CFAP141: variants seen among roughly 807,000 people sequenced by gnomAD.
CFAP141 encodes the protein cilia- and flagella-associated protein 141.
chr1:154,200,714 C>T, the CFAP141 span: 1 of 1,101,600 alleles, frequency 9.1e-7, no homozygotes, highest in East Asian at 2.4e-5. Flanking sequence ...CAGAGTTTCA[C>T]TCTTGTTGCC....
chr1:154,202,422 G>T, the CFAP141 span, among the ~76,000 whole-genome samples: 1 of 152,126 alleles, frequency 6.6e-6, no homozygotes, highest in African/African-American at 2.4e-5. Context: ...TATACATCAT[G>T]CATGTACATA....
the CFAP141 span, chr1:154,205,501 C>T: frequency 8.2e-4 from 939 of 1,146,724 alleles, 5 homozygotes; most frequent in Middle Eastern, 6.1e-3. Flanking sequence ...TGATGAGCCC[C>T]TAAAGAGATG....
the CFAP141 span, chr1:154,199,672 G>A: frequency 1.7e-6 from 1 of 593,870 alleles, no homozygotes; most frequent in Non-Finnish European, 3.0e-6. Flanking sequence ...TAGCAGAGAG[G>A]CTGAACCAGC....
the CFAP141 span, among the ~76,000 whole-genome samples, chr1:154,202,226 C>T: frequency 6.6e-6 from 1 of 152,062 alleles, no homozygotes; most frequent in African/African-American, 2.4e-5. Flanking sequence ...GCGTAAGCCA[C>T]CATGCCTGGC....
At chr1:154,205,646 A>T in the CFAP141 span, 7 of 1,613,666 alleles carry the variant, frequency 4.3e-6, no homozygotes, top group South Asian at 6.6e-5. Flanking sequence ...ACTCTGCAAG[A>T]AAAGGTAGTT....
the CFAP141 span, among the ~76,000 whole-genome samples, chr1:154,200,975 C>T: frequency 7.9e-5 from 12 of 152,170 alleles, no homozygotes; most frequent in Non-Finnish European, 1.3e-4. Flanking sequence ...TGAGCCACCA[C>T]GCCTGGCCCA....
the CFAP141 span, among the ~76,000 whole-genome samples, chr1:154,205,855 C>T: frequency 6.6e-6 from 1 of 152,086 alleles, no homozygotes; most frequent in Non-Finnish European, 1.5e-5. Context: ...AGGAATGCAC[C>T]ACCATGCCGG....
the CFAP141 span, chr1:154,200,496 A>C: frequency 1.2e-6 from 2 of 1,614,184 alleles, no homozygotes; most frequent in Non-Finnish European, 1.7e-6. Flanking sequence ...CAATTCCTGT[A>C]CCATGGTGTC....
At chr1:154,205,502 TAA>T in the CFAP141 span, 1 of 1,153,494 alleles carries the variant, frequency 8.7e-7, no homozygotes, top group African/African-American at 1.5e-5. Flanking sequence ...GATGAGCCCC[TAA>T]AGAGATGCAG....
the CFAP141 span, among the ~76,000 whole-genome samples, chr1:154,203,361 G>C: frequency 8.7e-5 from 13 of 148,932 alleles, no homozygotes; most frequent in South Asian, 1.9e-3. Context: ...CCAGGTTCAA[G>C]CAATTCTTCT....
At chr1:154,206,139 C>G in the CFAP141 span, 2 of 834,508 alleles carry the variant, frequency 2.4e-6, no homozygotes, top group Admixed American at 1.7e-5. Context: ...CTAGACACAG[C>G]CTCCCACTCC....
At chr1:154,202,507 T>C in the CFAP141 span, among the ~76,000 whole-genome samples, 1 of 152,050 alleles carries the variant, frequency 6.6e-6, no homozygotes, top group Non-Finnish European at 1.5e-5. Flanking sequence ...TACACAGAAA[T>C]ACATTAAGTG....
the CFAP141 span, chr1:154,199,419 G>C: frequency 6.3e-7 from 1 of 1,584,222 alleles, no homozygotes; most frequent in Non-Finnish European, 8.6e-7. Flanking sequence ...GCAGTGTTTT[G>C]GATGCCATCA....
the CFAP141 span, chr1:154,205,555 AGG>A: frequency 6.3e-7 from 1 of 1,585,150 alleles, no homozygotes; most frequent in African/African-American, 1.3e-5. Context: ...CAGAGTGGAA[AGG>A]TCAAGCTCAA....
the CFAP141 span, among the ~76,000 whole-genome samples, chr1:154,202,288 C>T: frequency 6.6e-6 from 1 of 151,810 alleles, no homozygotes; most frequent in Admixed American, 6.6e-5. Context: ...GTTGGCCAGG[C>T]TGGTCTCGAA....
chr1:154,204,564 A>G, the CFAP141 span, among the ~76,000 whole-genome samples: 2 of 151,560 alleles, frequency 1.3e-5, no homozygotes, highest in African/African-American at 4.8e-5. Context: ...TACAGACATG[A>G]GCCAATGTGC....
the CFAP141 span, chr1:154,199,667 G>A: frequency 2.0e-5 from 12 of 612,010 alleles, no homozygotes; most frequent in Admixed American, 1.6e-4. Context: ...GGTGGTAGCA[G>A]AGAGGCTGAA....
At chr1:154,202,362 C>T in the CFAP141 span, among the ~76,000 whole-genome samples, 3 of 152,096 alleles carry the variant, frequency 2.0e-5, no homozygotes, top group South Asian at 6.2e-4. Flanking sequence ...AGGAGTGAGC[C>T]ACCATGCCAG....
At chr1:154,204,896 C>T in the CFAP141 span, among the ~76,000 whole-genome samples, 813 of 133,264 alleles carry the variant, frequency 6.1e-3, 6 homozygotes, top group African/African-American at 0.02. Context: ...TTTGTAGAGA[C>T]GGAGTCTTGC....
Sources: allele counts gnomAD v4.1 joint callset (sites outside exome capture counted in the v4.1 genomes callset), GRCh38; gene constraint gnomAD v4.1.1; transcripts MANE v1.5; gene names NCBI Gene and HGNC (gene_info 2026-07-23, HGNC 2026-07-21).